The following ARHGEF1 variants were observed in gnomAD, a reference collection of about 807,000 sequenced individuals.
ARHGEF1 encodes the protein Rho guanine nucleotide exchange factor 1.
ARHGEF1 carries 40 observed loss-of-function variants against 119.7 expected under a neutral mutation model. The ratio of observed to expected loss-of-function variants is 0.33; its 90% CI spans 0.26 to 0.44. ARHGEF1 has a LOEUF of 0.44. ARHGEF1 is among the 20% of genes least tolerant of loss of function. ARHGEF1 has a pLI of 1.00. For synonymous variants in ARHGEF1, 494 were observed against 521.0 expected (o/e 0.95, Z 0.71); for missense variants, 976 against 1,268.3 (o/e 0.77, Z 3.50).
chr19:41,885,621 C>A (rs1555845138), intron 1 of ARHGEF1, among the ~76,000 whole-genome samples: 1 of 152,084 alleles, frequency 6.6e-6, no homozygotes, highest in African/African-American at 2.4e-5. Flanking sequence ...GCCACCACGC[C>A]CAGCTAATTT....
downstream of ARHGEF1, chr19:41,909,963 C>T: frequency 5.6e-6 from 9 of 1,613,896 alleles, no homozygotes; most frequent in Non-Finnish European, 6.8e-6. This position sits in a 1 kb window ranked among gnomAD's most constrained non-coding sequence, Gnocchi z 5.2. Context: ...ACGAATTCCC[C>T]GTAGTCCCCC....
At position 41,905,521 on chromosome 19, in the gene ARHGEF1, G is replaced by GTGTGTGTGTATGCATGTA; in HGVS notation, c.2337-237_2337-236insTGTGTGTATGCATGTATG. 1.6e-6 allele frequency: 1 copy of GTGTGTGTGTATGCATGTA among 613,684 alleles called. No individual in the cohort carries two copies. Among genetic ancestry groups the GTGTGTGTGTATGCATGTA allele is most frequent in the Non-Finnish European group, 2.9e-6 (1 of 348,318 alleles). 38.0% of individuals were successfully genotyped at this position (613,684 alleles called of 1,614,324 possible). On this transcript the variant is annotated intron_variant, in intron 24 of 28. Coordinates refer to ENST00000354532, the MANE Select transcript of ARHGEF1 (RefSeq NM_004706.4). The surrounding 1 kb of genome is among the most constrained non-coding windows in gnomAD (Gnocchi z 6.4). ...TATGTGTGCATGCGTGTGACAGCAT[G>GTGTGTGTGTATGCATGTA]TGCATGCATGTGTGTGTGTGTGCGC... is the stretch of plus-strand genomic sequence containing the variant.
upstream of ARHGEF1, among the ~76,000 whole-genome samples, chr19:41,920,858 A>G (rs917077989): frequency 4.6e-5 from 7 of 152,106 alleles, no homozygotes; most frequent in African/African-American, 9.7e-5. Flanking sequence ...CAGGCCAGAG[A>G]CAGAGAGGCC....
Position 41,905,547 on chromosome 19 carries a change from A to T in ARHGEF1, c.2337-213A>T, listed in dbSNP as rs1406793431. 2 of 620,148 alleles carry T rather than the reference A, an allele frequency of 3.2e-6. No homozygotes were observed. The highest frequency in any genetic ancestry group is 2.0e-5 in the South Asian group (1 of 51,180). 38.4% of individuals were successfully genotyped at this position (620,148 alleles called of 1,614,324 possible). On this transcript the variant is annotated intron_variant, in intron 24 of 28. Coordinates refer to ENST00000354532, the MANE Select transcript of ARHGEF1 (RefSeq NM_004706.4). This position sits in a 1 kb window ranked among gnomAD's most constrained non-coding sequence, Gnocchi z 6.4. ...TGCATGCATGTGTGTGTGTGTGCGCATGTGCCGACCCCACCACTGCCCCGT... is the reference window on the plus strand; with the variant it reads ...TGCATGCATGTGTGTGTGTGTGCGCTTGTGCCGACCCCACCACTGCCCCGT...
At chr19:41,887,962 A>C in intron 1 of ARHGEF1, 102 bp from the exon 2 acceptor site, 1 of 1,298,770 alleles carries the variant, frequency 7.7e-7, no homozygotes, top group Non-Finnish European at 1.1e-6. Context: ...GGGATGGGGG[A>C]GGCTGTTTAC....
chr19:41,909,177 T>G, downstream of ARHGEF1: 1 of 1,231,384 alleles, frequency 8.1e-7, no homozygotes, highest in Non-Finnish European at 1.0e-6. The surrounding 1 kb of genome is among the most constrained non-coding windows in gnomAD (Gnocchi z 5.2). Context: ...GTTTGCAGGG[T>G]CTAGAGAGGG....
downstream of ARHGEF1, chr19:41,908,392 G>A (rs551336701): frequency 6.5e-6 from 8 of 1,231,308 alleles, no homozygotes; most frequent in African/African-American, 1.1e-4. This position sits in a 1 kb window ranked among gnomAD's most constrained non-coding sequence, Gnocchi z 6.7. Context: ...GCCCCTGGCA[G>A]CGCCAGGCGA....
intron 1 of ARHGEF1, chr19:41,923,348 G>T: frequency 2.8e-6 from 1 of 356,702 alleles, no homozygotes. Flanking sequence ...TCCAGGATAT[G>T]GAGAAACTGA....
At chr19:41,910,562 G>A (rs1400935633), downstream of ARHGEF1, among the ~76,000 whole-genome samples, 2 of 152,056 alleles carry the variant, frequency 1.3e-5, no homozygotes, top group Admixed American at 1.3e-4. This position sits in a 1 kb window ranked among gnomAD's most constrained non-coding sequence, Gnocchi z 4.4. Context: ...TCCACCTTTC[G>A]ACATTCCCCA....
intron 18 of ARHGEF1, among the ~76,000 whole-genome samples, chr19:41,913,726 T>G (rs1555851490): frequency 6.8e-6 from 1 of 148,008 alleles, no homozygotes; most frequent in East Asian, 2.1e-4. Flanking sequence ...CTAGATATCT[T>G]ACGCCCCTAA....
intron 1 of ARHGEF1, among the ~76,000 whole-genome samples, chr19:41,887,766 C>T (rs376274032): frequency 1.3e-5 from 2 of 152,168 alleles, no homozygotes; most frequent in African/African-American, 4.8e-5. Flanking sequence ...CCCCCAGCCC[C>T]CTCTTCCATT....
chr19:41,909,024 T>TG, downstream of ARHGEF1: 1 of 1,168,780 alleles, frequency 8.6e-7, no homozygotes, highest in East Asian at 3.2e-5. This position sits in a 1 kb window ranked among gnomAD's most constrained non-coding sequence, Gnocchi z 5.2. Flanking sequence ...CTTCTCCCAC[T>TG]GTGCCCCCAG....
chr19:41,914,116 T>G (rs1375660730), intron 18 of ARHGEF1, among the ~76,000 whole-genome samples: 3 of 118,862 alleles, frequency 2.5e-5, no homozygotes, highest in Non-Finnish European at 5.0e-5. Flanking sequence ...AGACACCCCA[T>G]GTCCCCTCAG....
At position 41,905,488 on chromosome 19, in the gene ARHGEF1, T is replaced by C; in HGVS notation, c.2336+227T>C. 1.6e-6 allele frequency: 1 copy of C among 612,592 alleles called. No individual in the cohort carries two copies. The highest frequency in any genetic ancestry group is 2.7e-5 in the East Asian group (1 of 36,424). The allele number at this position is 612,592 out of a possible 1,614,324, so 37.9% of individuals were successfully genotyped here. On this transcript the variant is annotated intron_variant, in intron 24 of 28. Transcript: ENST00000354532. This position sits in a 1 kb window ranked among gnomAD's most constrained non-coding sequence, Gnocchi z 6.4. ...CATGTGTGTGCGTGTATGGTGTGTG[T>C]GTATGCATATGTGTGCATGCGTGTG... is the stretch of plus-strand genomic sequence containing the variant.
chr19:41,912,102 G>GC (rs2074755979), downstream of ARHGEF1, among the ~76,000 whole-genome samples: 1 of 152,148 alleles, frequency 6.6e-6, no homozygotes, highest in African/African-American at 2.4e-5. Flanking sequence ...GCTGGCAGAC[G>GC]CCCCCATCCC....
chr19:41,908,492 C>G, downstream of ARHGEF1: 1 of 1,231,604 alleles, frequency 8.1e-7, no homozygotes, highest in Admixed American at 4.2e-5. The surrounding 1 kb of genome is among the most constrained non-coding windows in gnomAD (Gnocchi z 6.7). Context: ...CTCCCCCTGC[C>G]CCTGACGAGG....
At chr19:41,884,271 C>T in intron 1 of ARHGEF1, 1 of 725,960 alleles carries the variant, frequency 1.4e-6, no homozygotes, top group Non-Finnish European at 2.2e-6. Context: ...GCCTGCGTGG[C>T]GCAGTACAGC....
chr19:41,890,906 G>C (rs1259833735), intron 4 of ARHGEF1: 1 of 152,344 alleles, frequency 6.6e-6, no homozygotes, highest in Non-Finnish European at 1.5e-5. Context: ...CTGGGTGACA[G>C]AGCGAGACTC....
chr19:41,914,160 C>T lies in ARHGEF1; in HGVS notation c.1865+7357C>T, dbSNP rs577814983. On this transcript the variant is annotated intron_variant, in intron 18 of 20. Coordinates refer to the ARHGEF1 transcript ENST00000599589. The stretch of plus-strand genomic sequence containing the variant: ...GGTCTCCCCACAGAGGCCCCAACCT[C>T]AGATGCCCCCACCTCCCATCTGCCT... Among the ~76,000 whole-genome samples the T allele has an allele frequency of 2.7e-5, 4 of 150,942 alleles. No individual in the cohort carries two copies. In the South Asian group the frequency reaches 8.5e-4, roughly 32 times the overall value.
Sources: allele counts gnomAD v4.1 joint callset (sites outside exome capture counted in the v4.1 genomes callset), GRCh38; gene constraint gnomAD v4.1.1; non-coding constraint Gnocchi (gnomAD v3.1); transcripts MANE v1.5; gene names NCBI Gene and HGNC (gene_info 2026-07-23, HGNC 2026-07-21).